The following DOCK5 variants were observed in gnomAD, a reference collection of about 807,000 sequenced individuals.
The protein encoded by DOCK5 is dedicator of cytokinesis 5.
A neutral mutation model predicts 251.8 loss-of-function variants in DOCK5; 142 were observed. The ratio of observed to expected loss-of-function variants is 0.56; its 90% CI spans 0.49 to 0.65. The LOEUF is 0.65. Among genes scored for constraint, DOCK5 ranks in the 30% least tolerant of loss-of-function variants. The pLI, the probability that DOCK5 is intolerant of heterozygous loss-of-function variation, is 0.00. For missense variants in DOCK5, 2,111 were observed against 2,312.3 expected, an observed-to-expected ratio of 0.91 and a Z score of 1.79; for synonymous variants, 842 against 835.5, an observed-to-expected ratio of 1.01 and a Z score of -0.13.
chr8:25,402,131 T>C (rs1240263854), intron 47 of DOCK5, among the ~76,000 whole-genome samples: 2 of 152,132 alleles, frequency 1.3e-5, no homozygotes, highest in Non-Finnish European at 2.9e-5. Flanking sequence ...TTTTGTTTTG[T>C]TTTGTTTTTG....
intron 29 of DOCK5, among the ~76,000 whole-genome samples, chr8:25,363,625 C>T (rs576504926): frequency 6.6e-6 from 1 of 152,320 alleles, no homozygotes; most frequent in East Asian, 1.9e-4. Flanking sequence ...AGGATATACT[C>T]CTAAAATAAT....
In DOCK5 at chr8:25,409,309, G is replaced by A. The variant is rs561683757; in HGVS notation, c.5404+369G>A. ...CATCTACTGCTTATAGTCTGGCTTG[G>A]GGAACCAGCAGTGCACAACACTTGA... On this transcript the variant is annotated intron_variant, in intron 50 of 51. Transcript: ENST00000276440. 9.7e-5 allele frequency: 24 copies of A among 247,278 alleles called. No individual in the cohort carries two copies. In the South Asian group the frequency reaches 1.6e-3, roughly 17 times the overall value. The allele number at this position is 247,278 out of a possible 1,614,324, so 15.3% of individuals were successfully genotyped here. A position where few individuals can be genotyped will look rare whatever the true frequency, so the allele number is the denominator to read the frequency against.
chr8:25,363,985 T>C (rs1490005962), intron 29 of DOCK5, among the ~76,000 whole-genome samples: 1 of 152,246 alleles, frequency 6.6e-6, no homozygotes, highest in Non-Finnish European at 1.5e-5. Flanking sequence ...GGGTAATAGA[T>C]GTACATGTTG....
rs777812947 is a variant in DOCK5, at chr8:25,369,651, T to G, written c.3524+10T>G. 2.5e-6 allele frequency: 4 copies of G among 1,598,038 alleles called. No homozygotes were observed. The highest frequency in any genetic ancestry group is 3.4e-6 in the Non-Finnish European group (4 of 1,171,770). ...TTCTTCTGGAAAAACTGTGAGTATT[T>G]CAGGAACGAAACCTGAAGTCAGTGG... On this transcript the variant is annotated intron_variant, in intron 34 of 51. Transcript: ENST00000276440.
At chr8:25,278,259 A>G (rs942053328) in intron 4 of DOCK5, among the ~76,000 whole-genome samples, 8 of 152,118 alleles carry the variant, frequency 5.3e-5, no homozygotes, top group Non-Finnish European at 2.9e-5. Context: ...TTTTGCTTCC[A>G]TCTTTGAGAA....
intron 5 of DOCK5, among the ~76,000 whole-genome samples, chr8:25,280,040 C>T (rs558674128): frequency 2.0e-4 from 31 of 152,320 alleles, no homozygotes; most frequent in African/African-American, 2.4e-4. Context: ...GTTGGGATTA[C>T]GGGCGTGAGC....
At position 25,195,762 on chromosome 8, in the gene DOCK5, G is replaced by A. The variant is rs149379097; in HGVS notation, c.43+10811G>A. On this transcript the variant is annotated intron_variant, in intron 1 of 51. Transcript: ENST00000276440. ...CCTTGCTGACACCTCACAATGTCTA[G>A]CCCTTTTCCTTTATTTATTTGTTAG... Among the ~76,000 whole-genome samples, 186 of 152,256 alleles carry A rather than the reference G, an allele frequency of 1.2e-3. 1 individual carries two copies. The highest frequency in any genetic ancestry group is 1.3e-3 in the Admixed American group (20 of 15,282).
Position 25,310,549 on chromosome 8 carries a change from G to T in DOCK5, c.1318+17G>T, listed in dbSNP as rs1393330461. 4 of 1,591,872 alleles carry T rather than the reference G, an allele frequency of 2.5e-6. No homozygotes were observed. The highest frequency in any genetic ancestry group is 2.3e-5 in the South Asian group (2 of 87,844). ...TACTGCCAGGTAAGCACTTTGCATG[G>T]CTCACCTGTTTGCTTCCTCCTGTTC... On this transcript the variant is annotated intron_variant, in intron 13 of 51. Coordinates refer to ENST00000276440, the MANE Select transcript of DOCK5 (RefSeq NM_024940.8).
chr8:25,269,585 G>T (rs1207551794), intron 3 of DOCK5, among the ~76,000 whole-genome samples: 2 of 152,126 alleles, frequency 1.3e-5, no homozygotes, highest in African/African-American at 4.8e-5. Context: ...GACCTAAATG[G>T]TTCCTTTTGC....
intron 18 of DOCK5, among the ~76,000 whole-genome samples, 159 bp from the exon 19 acceptor site, chr8:25,332,092 T>C (rs569834516): frequency 1.3e-5 from 2 of 152,308 alleles, no homozygotes; most frequent in African/African-American, 4.8e-5. Context: ...AGGTTTTCTC[T>C]GACTTAGATA....
chr8:25,357,977 C>T (rs1018015109), intron 27 of DOCK5, among the ~76,000 whole-genome samples: 1 of 151,982 alleles, frequency 6.6e-6, no homozygotes, highest in African/African-American at 2.4e-5. Flanking sequence ...CAAATGGAAG[C>T]AGTGTTAATG....
intron 2 of DOCK5, among the ~76,000 whole-genome samples, chr8:25,258,008 A>G (rs1324966553): frequency 6.6e-6 from 1 of 152,202 alleles, no homozygotes; most frequent in African/African-American, 2.4e-5. Context: ...TAAAAAGGAA[A>G]GAAAGAAAAA....
rs546338792 is a variant in DOCK5 at position 25,254,045 on chromosome 8, A to G, written c.127+10288A>G. ...GTATTGGCAGAACACTAGACAAACA[A>G]ATCTACTGAACAGAACAGAGAGCTC... On this transcript the variant is annotated intron_variant, in intron 2 of 51. Coordinates refer to ENST00000276440, the MANE Select transcript of DOCK5 (RefSeq NM_024940.8). Among the ~76,000 whole-genome samples, 27 of 152,362 alleles carry G rather than the reference A, an allele frequency of 1.8e-4. No homozygotes were observed. In the South Asian group the frequency reaches 5.4e-3, roughly 30 times the overall value.
intron 40 of DOCK5, among the ~76,000 whole-genome samples, chr8:25,383,641 C>T (rs1180131241): frequency 1.3e-5 from 2 of 152,056 alleles, no homozygotes; most frequent in East Asian, 1.9e-4. Context: ...GATCACTTGA[C>T]GTCAGGGGTT....
chr8:25,239,155 A>G (rs184575002), intron 1 of DOCK5, among the ~76,000 whole-genome samples: 6 of 152,274 alleles, frequency 3.9e-5, no homozygotes, highest in Non-Finnish European at 1.5e-5. Context: ...TGAGCTCAGA[A>G]TTTAGGGGAG....
At chr8:25,305,497 A>G (rs1804894267) in intron 11 of DOCK5, among the ~76,000 whole-genome samples, 2 of 152,170 alleles carry the variant, frequency 1.3e-5, no homozygotes, top group African/African-American at 4.8e-5. Context: ...ATTCAGCCAA[A>G]AAAAGAAAAA....
intron 17 of DOCK5, 23 bp from the exon 18 acceptor site, chr8:25,325,341 G>A (rs770754589): frequency 3.1e-6 from 5 of 1,605,448 alleles, no homozygotes; most frequent in Non-Finnish European, 4.3e-6. Flanking sequence ...ATCATTTGGT[G>A]TTCCTAACAT....
chr8:25,409,915 C>T lies in DOCK5; in HGVS notation c.5405-184C>T, dbSNP rs537066733. 5.6e-5 allele frequency: 30 copies of T among 532,064 alleles called. No homozygotes were observed. In the South Asian group the frequency reaches 7.6e-4, roughly 14 times the overall value. 33.0% of individuals were successfully genotyped at this position (532,064 alleles called of 1,614,324 possible). ...CTTGTGGAGCTCTTGAAACTTCTGG[C>T]GAGGGCGTCACCTGTGTGATGTGGG... On this transcript the variant is annotated intron_variant, in intron 50 of 51. Coordinates refer to ENST00000276440, the MANE Select transcript of DOCK5 (RefSeq NM_024940.8).
At chr8:25,291,887 A>AG in intron 5 of DOCK5, 137 bp from the exon 6 acceptor site, 1 of 959,470 alleles carries the variant, frequency 1.0e-6, no homozygotes, top group Admixed American at 3.3e-5. Context: ...AAAAAAAAAA[A>AG]AAGAATCGGC....
Sources: allele counts gnomAD v4.1 joint callset (sites outside exome capture counted in the v4.1 genomes callset), GRCh38; gene constraint gnomAD v4.1.1; transcripts MANE v1.5; gene names NCBI Gene and HGNC (gene_info 2026-07-23, HGNC 2026-07-21).